Variants in RBMS3 observed in about 807,000 individuals in gnomAD.
RBMS3 encodes RNA binding motif single stranded interacting protein 3, also known as RNA-binding motif, single-stranded-interacting protein 3.
Under a neutral mutation model 66.8 loss-of-function variants are expected in RBMS3, and 27 were observed. That is an observed-to-expected ratio of 0.40 (90% CI 0.30 to 0.56). RBMS3 has a LOEUF of 0.56. RBMS3 is among the 20% of genes least tolerant of loss of function. RBMS3 has a pLI of 0.40. For missense variants in RBMS3, 513 were observed against 549.5 expected, an observed-to-expected ratio of 0.93 and a Z score of 0.66; for synonymous variants, 188 against 183.0, an observed-to-expected ratio of 1.03 and a Z score of -0.22.
chr3:29,942,995 GT>G (rs1302187259), intron 11 of RBMS3, among the ~76,000 whole-genome samples: 1 of 151,692 alleles, frequency 6.6e-6, no homozygotes, highest in Non-Finnish European at 1.5e-5. Flanking sequence ...TAACTCATGT[GT>G]CTGGTTTATT....
At chr3:29,401,037 G>A (rs1679684350) in intron 1 of RBMS3, among the ~76,000 whole-genome samples, 1 of 152,028 alleles carries the variant, frequency 6.6e-6, no homozygotes, top group South Asian at 2.1e-4. Context: ...AATTAGTGAA[G>A]CAGTGCAAAT....
At chr3:29,735,122 C>A (rs995708056) in intron 4 of RBMS3, among the ~76,000 whole-genome samples, 1 of 152,054 alleles carries the variant, frequency 6.6e-6, no homozygotes, top group Non-Finnish European at 1.5e-5. Flanking sequence ...AAAACCCAGA[C>A]GTAACCTTTG....
intron 1 of RBMS3, among the ~76,000 whole-genome samples, chr3:29,365,820 T>G (rs1047026973): frequency 6.6e-6 from 1 of 152,222 alleles, no homozygotes; most frequent in Non-Finnish European, 1.5e-5. Context: ...TCTAGTTCCC[T>G]AAATTTTATT....
At chr3:29,578,157 A>T (rs1259334669) in intron 3 of RBMS3, among the ~76,000 whole-genome samples, 1 of 152,224 alleles carries the variant, frequency 6.6e-6, no homozygotes, top group Non-Finnish European at 1.5e-5. Flanking sequence ...AATACATAGA[A>T]TAGTGAGAGC....
At chr3:29,959,981 A>G (rs574878217) in intron 12 of RBMS3, among the ~76,000 whole-genome samples, 1 of 152,058 alleles carries the variant, frequency 6.6e-6, no homozygotes, top group Non-Finnish European at 1.5e-5. Flanking sequence ...GCCCCTCCCA[A>G]ATCTCATGTC....
At chr3:29,717,009 A>G in intron 4 of RBMS3, among the ~76,000 whole-genome samples, 1 of 152,020 alleles carries the variant, frequency 6.6e-6, no homozygotes, top group Admixed American at 6.6e-5. Flanking sequence ...TGGGAGTAGC[A>G]CAAGCTACAT....
chr3:29,535,891 T>A (rs948107435), intron 3 of RBMS3, among the ~76,000 whole-genome samples: 1 of 151,980 alleles, frequency 6.6e-6, no homozygotes, highest in African/African-American at 2.4e-5. Context: ...GATTTATTTA[T>A]GGTCTATTCA....
chr3:29,916,829 T>A (rs1399130158), intron 10 of RBMS3, among the ~76,000 whole-genome samples: 2 of 152,048 alleles, frequency 1.3e-5, no homozygotes, highest in Non-Finnish European at 2.9e-5. Context: ...TATTTAAAAA[T>A]CCTCTGAAAG....
At chr3:29,288,885 G>A (rs949115757) in intron 1 of RBMS3, among the ~76,000 whole-genome samples, 2 of 151,870 alleles carry the variant, frequency 1.3e-5, no homozygotes, top group African/African-American at 4.8e-5. Context: ...CTCCCCAAGG[G>A]CATATAAACA....
chr3:29,884,341 TTTCATCATTA>T, intron 8 of RBMS3, 133 bp downstream of exon 8: 1 of 787,660 alleles, frequency 1.3e-6, no homozygotes, highest in Non-Finnish European at 2.0e-6. Flanking sequence ...ACCAAGCATT[TTTCATCATTA>T]TAGTTTTTTT....
At chr3:29,666,618 C>A (rs4680840) in intron 4 of RBMS3, among the ~76,000 whole-genome samples, 71,304 of 136,910 alleles carry the variant, frequency 0.52, 17,155 homozygotes, top group Middle Eastern at 0.62. Context: ...ATCAAATATA[C>A]GATTTGATTA....
chr3:29,574,269 G>C (rs2047037925), intron 3 of RBMS3, among the ~76,000 whole-genome samples: 1 of 152,072 alleles, frequency 6.6e-6, no homozygotes, highest in South Asian at 2.1e-4. Flanking sequence ...ATTTAGAATT[G>C]TTATGTTCTT....
At chr3:29,572,723 G>C (rs1348280616) in intron 3 of RBMS3, among the ~76,000 whole-genome samples, 1 of 152,144 alleles carries the variant, frequency 6.6e-6, no homozygotes, top group Non-Finnish European at 1.5e-5. Context: ...TTGGCCTGTA[G>C]TTTTCTTTTA....
chr3:29,918,371 G>A (rs1381480256), intron 10 of RBMS3, among the ~76,000 whole-genome samples: 4 of 152,044 alleles, frequency 2.6e-5, no homozygotes, highest in South Asian at 2.1e-4. Context: ...GTGGAAAGGA[G>A]TTTTATGATT....
At chr3:29,991,994 C>T (rs1698908500) in intron 14 of RBMS3, among the ~76,000 whole-genome samples, 1 of 152,040 alleles carries the variant, frequency 6.6e-6, no homozygotes, top group Non-Finnish European at 1.5e-5. Flanking sequence ...GTTGAGTAAA[C>T]ATTTGGCAAA....
At chr3:29,821,935 T>A (rs1249270768) in intron 6 of RBMS3, among the ~76,000 whole-genome samples, 1 of 152,188 alleles carries the variant, frequency 6.6e-6, no homozygotes, top group Admixed American at 6.5e-5. Flanking sequence ...TGACCAGGAA[T>A]AAAATACATC....
chr3:29,797,109 C>T (rs2057227458), intron 6 of RBMS3, among the ~76,000 whole-genome samples: 1 of 152,158 alleles, frequency 6.6e-6, no homozygotes, highest in Admixed American at 6.5e-5. Context: ...TCTCCTCTGT[C>T]TGGGAAAGTC....
At chr3:29,691,759 C>A (rs1276226777) in intron 4 of RBMS3, among the ~76,000 whole-genome samples, 2 of 151,960 alleles carry the variant, frequency 1.3e-5, no homozygotes, top group Non-Finnish European at 2.9e-5. Context: ...AGAGTTAAAT[C>A]TTATGGAAAA....
intron 3 of RBMS3, among the ~76,000 whole-genome samples, chr3:29,498,417 A>C (rs1638659639): frequency 6.6e-6 from 1 of 152,170 alleles, no homozygotes; most frequent in Non-Finnish European, 1.5e-5. Flanking sequence ...GTATATACTA[A>C]TGTATATTTA....
Sources: allele counts gnomAD v4.1 joint callset (sites outside exome capture counted in the v4.1 genomes callset), GRCh38; gene constraint gnomAD v4.1.1; transcripts MANE v1.5; gene names NCBI Gene and HGNC (gene_info 2026-07-23, HGNC 2026-07-21).